CCDC187: variants seen among roughly 807,000 people sequenced by gnomAD.
CCDC187 encodes coiled-coil domain-containing protein 187.
In CCDC187, 32 loss-of-function variants were observed where a neutral mutation model predicts 38.0. That is an observed-to-expected ratio of 0.84 (90% CI 0.64 to 1.13). The LOEUF is 1.13. CCDC187 is among the 50% of genes most tolerant of loss of function. The pLI is 0.00. For missense variants in CCDC187, 707 were observed against 786.8 expected (o/e 0.90, Z 1.21); for synonymous variants, 333 against 347.9 (o/e 0.96, Z 0.48).
At position 136,254,181 on chromosome 9, in the gene CCDC187, C is replaced by T. The variant is rs978859410; in HGVS notation, c.5647G>A (p.Asp1883Asn). 1.8e-5 allele frequency: 18 copies of T among 985,384 alleles called. No homozygotes were observed. In the African/African-American group the frequency reaches 2.8e-4, roughly 15 times the overall value. 61.0% of individuals were successfully genotyped at this position (985,384 alleles called of 1,614,324 possible). A position where few individuals can be genotyped will look rare whatever the true frequency, so the allele number is the denominator to read the frequency against. The change falls in exon 26 of 26, where the codon GAC becomes AAC. Residue 1883 changes from aspartate to asparagine, a missense_variant. By Grantham distance (23) the Asp-to-Asn change is conservative. Coordinates refer to ENST00000638797, the MANE Select transcript of CCDC187 (RefSeq NM_001378188.1). ...GGAAAGACCAGCAGTGAGTCCGAGTCACCGGCAGAAGAGATTTGCAGCGGG... is the reference window on the plus strand; with the variant it reads ...GGAAAGACCAGCAGTGAGTCCGAGTTACCGGCAGAAGAGATTTGCAGCGGG... The part of the protein sequence containing the change: ...VFPLQISSAG[D>N]SDSLLVFPSW...
chr9:136,283,764 C>T (rs1038232305), intron 9 of CCDC187, among the ~76,000 whole-genome samples: 13 of 152,168 alleles, frequency 8.5e-5, no homozygotes, highest in Non-Finnish European at 1.6e-4. Context: ...GCTGGTCCCC[C>T]GGGAGCCCGG....
rs1830523520 is a variant in CCDC187, at chr9:136,250,612, A to G, written c.*2982T>C. ...AGAAGGGGATCAATGAGAAAGCTGTAGCTCAGCTCAAAGTTTGTTCTGAAA... is the reference window on the plus strand; with the variant it reads ...AGAAGGGGATCAATGAGAAAGCTGTGGCTCAGCTCAAAGTTTGTTCTGAAA... On this transcript the variant is annotated 3_prime_UTR_variant, in exon 26 of 26. Coordinates refer to ENST00000638797, the MANE Select transcript of CCDC187 (RefSeq NM_001378188.1). 2.6e-6 allele frequency: 1 copy of G among 387,184 alleles called. No homozygotes were observed. 24.0% of individuals were successfully genotyped at this position (387,184 alleles called of 1,614,324 possible).
intron 16 of CCDC187, chr9:136,266,722 G>C (rs1162652266): frequency 6.6e-6 from 1 of 152,220 alleles, no homozygotes; most frequent in African/African-American, 2.4e-5. Context: ...AATTGAAAAC[G>C]CAAGTTACAA....
In CCDC187 at chr9:136,290,505, G is replaced by A; in HGVS notation, c.2108C>T (p.Pro703Leu). 2 of 398,608 alleles carry A rather than the reference G, an allele frequency of 5.0e-6. No individual in the cohort carries two copies. Among genetic ancestry groups the A allele is most frequent in the African/African-American group, 4.1e-5 (2 of 48,750 alleles). 24.7% of individuals were successfully genotyped at this position (398,608 alleles called of 1,614,324 possible). The change falls in exon 6 of 26, where the codon CCC becomes CTC. Residue 703 changes from proline (P) to leucine (L), a missense_variant. By Grantham distance (98) the Pro-to-Leu change is moderately conservative (BLOSUM62 -3). Coordinates refer to ENST00000638797, the MANE Select transcript of CCDC187 (RefSeq NM_001378188.1). ...RTTPGIVTFV[P>L]SSAQSGGLEA... ...ATGTACCCCGGACTGTGCAGAACTG[G>A]GGACAAAGGTCACGATGCCAGGGGT...
intron 10 of CCDC187, among the ~76,000 whole-genome samples, chr9:136,276,957 T>C (rs1366427278): frequency 6.6e-6 from 1 of 152,034 alleles, no homozygotes; most frequent in Admixed American, 6.5e-5. Context: ...CTGGGAGGGC[T>C]GCAGCCCCAC....
chr9:136,274,910 G>C lies in CCDC187; in HGVS notation c.3323C>G (p.Ser1108Cys), dbSNP rs1487258990. 1 of 152,358 alleles carries C rather than the reference G, an allele frequency of 6.6e-6. No homozygotes were observed. Among genetic ancestry groups the C allele is most frequent in the Non-Finnish European group, 1.5e-5 (1 of 68,114 alleles). 9.4% of individuals were successfully genotyped at this position (152,358 alleles called of 1,614,324 possible). A position where few individuals can be genotyped will look rare whatever the true frequency, so the allele number is the denominator to read the frequency against. The change falls in exon 13 of 26, where the codon TCT becomes TGT. Residue 1108 changes from serine to cysteine, a missense_variant. Transcript: ENST00000638797. The part of the protein sequence containing the change: ...MCKDREPTTA[S>C]QSTGMATPRS... ...GGGTGTGGCCATCCCTGTGCTCTGA[G>C]AGGCTGTGGTCGGCTCTCGGTCCTT...
rs1239370474 is a variant in CCDC187, at chr9:136,303,935, A to G, written c.-105T>C. ...GGCTTCGAGGCCTGCAGCCCCACCT[A>G]TGACCCTGCCCGGGATGGGCTGGCC... On this transcript the variant is annotated 5_prime_UTR_variant, in exon 1 of 26. Transcript: ENST00000638797. 3 of 152,420 alleles carry G rather than the reference A, an allele frequency of 2.0e-5. No homozygotes were observed. Among genetic ancestry groups the G allele is most frequent in the African/African-American group, 4.8e-5 (2 of 41,452 alleles). 9.4% of individuals were successfully genotyped at this position (152,420 alleles called of 1,614,324 possible).
At chr9:136,301,978 G>A (rs1831696446) in intron 2 of CCDC187, among the ~76,000 whole-genome samples, 1 of 152,004 alleles carries the variant, frequency 6.6e-6, no homozygotes, top group Non-Finnish European at 1.5e-5. Context: ...TTGGGAGGCC[G>A]AGGTGGGCGG....
At chr9:136,305,815 C>A (rs952321998), upstream of CCDC187, among the ~76,000 whole-genome samples, 18 of 152,234 alleles carry the variant, frequency 1.2e-4, no homozygotes, top group African/African-American at 4.3e-4. Context: ...CTGCGAGTTG[C>A]CCCCACCACC....
chr9:136,251,125 A>C lies in CCDC187; in HGVS notation c.*2469T>G. The C allele has an allele frequency of 2.3e-6, 1 of 439,850 alleles. No homozygotes were observed. Among genetic ancestry groups the C allele is most frequent in the South Asian group, 1.6e-5 (1 of 64,010 alleles). The allele number at this position is 439,850 out of a possible 1,614,324, so 27.2% of individuals were successfully genotyped here. On this transcript the variant is annotated 3_prime_UTR_variant, in exon 26 of 26. Transcript: ENST00000638797. ...GGAGAAGCCACATCCTGGAAGGATC[A>C]GTGCTGGGACACAGATGTCCCTAAG... is the stretch of plus-strand genomic sequence containing the variant.
upstream of CCDC187, among the ~76,000 whole-genome samples, chr9:136,306,401 C>T (rs1266999874): frequency 6.6e-6 from 1 of 152,180 alleles, no homozygotes; most frequent in African/African-American, 2.4e-5. Flanking sequence ...CCCTCCTGAG[C>T]CTCCCTCCCT....
chr9:136,286,877 A>G (rs2131284467), intron 7 of CCDC187, among the ~76,000 whole-genome samples, 182 bp from the exon 8 acceptor site: 1 of 152,334 alleles, frequency 6.6e-6, no homozygotes, highest in East Asian at 1.9e-4. Context: ...GCTGCCGCAA[A>G]GAACAGGGCC....
chr9:136,292,265 C>G lies in CCDC187; in HGVS notation c.863G>C (p.Arg288Thr), dbSNP rs1831351017. Residue 288 changes from arginine (R) to threonine (T), a missense_variant, in exon 5 of 26, where the codon AGA becomes ACA. Coordinates refer to ENST00000638797, the MANE Select transcript of CCDC187 (RefSeq NM_001378188.1). Reference protein sequence around the residue: ...DSELVGVYAWRKGQALVRSLL... With the variant: ...DSELVGVYAWTKGQALVRSLL... ...CGACCTCACCAGAGCTTGTCCCTTTCTCCAGGCGTAAACACCAACCAGCTC... is the reference window on the plus strand; with the variant it reads ...CGACCTCACCAGAGCTTGTCCCTTTGTCCAGGCGTAAACACCAACCAGCTC... 2.5e-6 allele frequency: 1 copy of G among 398,698 alleles called. No homozygotes were observed. The highest frequency in any genetic ancestry group is 2.1e-5 in the African/African-American group (1 of 48,648). 24.7% of individuals were successfully genotyped at this position (398,698 alleles called of 1,614,324 possible). A position where few individuals can be genotyped will look rare whatever the true frequency, so the allele number is the denominator to read the frequency against.
In CCDC187 at chr9:136,293,912, ACT is replaced by A. The variant is rs1311980441; in HGVS notation, c.833-1619_833-1618del. Among the ~76,000 whole-genome samples the A allele has an allele frequency of 2.6e-4, 39 of 150,328 alleles. 1 individual carries two copies. In the Middle Eastern group the frequency reaches 0.01, roughly 40 times the overall value. ...CACACACAACCACACACACTCATAC[ACT>A]CATATACACACTCCCTCGTGCTCTC... On this transcript the variant is annotated intron_variant, in intron 4 of 25. Coordinates refer to ENST00000638797, the MANE Select transcript of CCDC187 (RefSeq NM_001378188.1).
intron 10 of CCDC187, among the ~76,000 whole-genome samples, chr9:136,280,355 A>T (rs1588661311): frequency 6.6e-6 from 1 of 152,198 alleles, no homozygotes; most frequent in Non-Finnish European, 1.5e-5. Flanking sequence ...GCAGGTGCAT[A>T]CCAGGGCTGC....
At chr9:136,300,388 C>A (rs1443283875) in intron 2 of CCDC187, 70 bp from the exon 3 acceptor site, 5 of 397,352 alleles carry the variant, frequency 1.3e-5, no homozygotes, top group African/African-American at 1.0e-4. Context: ...AGAAAAGGTT[C>A]CAGTTTGGCA....
intron 3 of CCDC187, among the ~76,000 whole-genome samples, chr9:136,299,437 G>A (rs1831620155): frequency 6.6e-6 from 1 of 152,300 alleles, no homozygotes; most frequent in South Asian, 2.1e-4. Flanking sequence ...CCTGTGCTGA[G>A]CCCGAAACGC....
chr9:136,256,428 G>T, intron 23 of CCDC187, 105 bp from the exon 24 acceptor site: 1 of 425,832 alleles, frequency 2.3e-6, no homozygotes, highest in South Asian at 9.8e-5. Flanking sequence ...CACGGTAAAG[G>T]AACAAAGACC....
rs185244574 is a variant in CCDC187 at position 136,250,659 on chromosome 9, A to G, written c.*2935T>C. 8.6e-5 allele frequency: 38 copies of G among 442,100 alleles called. No homozygotes were observed. Among genetic ancestry groups the G allele is most frequent in the Admixed American group, 7.2e-4 (30 of 41,718 alleles). The allele number at this position is 442,100 out of a possible 1,614,324, so 27.4% of individuals were successfully genotyped here. On this transcript the variant is annotated 3_prime_UTR_variant, in exon 26 of 26. Coordinates refer to ENST00000638797, the MANE Select transcript of CCDC187 (RefSeq NM_001378188.1). Reference sequence around the variant, plus strand: ...GAAATTGGGAGCATGGAGCAGGAACACATTCCCCACTGGATCCAAACATCT... The same window carrying G: ...GAAATTGGGAGCATGGAGCAGGAACGCATTCCCCACTGGATCCAAACATCT...
Sources: gnomAD v4.1 joint callset for allele counts (sites outside exome capture counted in the v4.1 genomes callset) on GRCh38, gnomAD v4.1.1 for gene constraint, MANE v1.5 for transcripts, NCBI Gene and HGNC (gene_info 2026-07-23, HGNC 2026-07-21) for gene names.